ASIC2: variants seen among roughly 807,000 people sequenced by gnomAD.
ASIC2 encodes the protein acid sensing ion channel subunit 2.
A neutral mutation model predicts 57.3 loss-of-function variants in ASIC2; 25 were observed. The ratio of observed to expected loss-of-function variants is 0.44; its 90% CI spans 0.32 to 0.61. ASIC2 has a LOEUF of 0.61. ASIC2 is among the 20% of genes least tolerant of loss of function. The probability of loss-of-function intolerance (pLI) is 0.06; values close to 1 mark genes in which losing one functional copy is unlikely to be tolerated. For missense variants in ASIC2, 641 were observed against 738.1 expected (o/e 0.87, Z 1.52); for synonymous variants, 319 against 307.5 (o/e 1.04, Z -0.39).
chr17:33,825,952 A>AT (rs1392910684), intron 1 of ASIC2, among the ~76,000 whole-genome samples: 7 of 152,224 alleles, frequency 4.6e-5, no homozygotes, highest in African/African-American at 1.4e-4. Flanking sequence ...TTTTTAATTC[A>AT]GGAAGTCATT....
intron 1 of ASIC2, among the ~76,000 whole-genome samples, chr17:33,711,797 A>G (rs1400464649): frequency 1.3e-5 from 2 of 152,160 alleles, no homozygotes; most frequent in Non-Finnish European, 2.9e-5. Context: ...ACCTCCCACC[A>G]GGCCCCTTCC....
At chr17:33,469,481 A>G (rs1306039849) in intron 1 of ASIC2, among the ~76,000 whole-genome samples, 2 of 152,138 alleles carry the variant, frequency 1.3e-5, no homozygotes, top group African/African-American at 4.8e-5. Context: ...AGTTACTCCT[A>G]AAGCTGCAGG....
intron 1 of ASIC2, among the ~76,000 whole-genome samples, chr17:33,363,017 C>G (rs1271695851): frequency 6.6e-6 from 1 of 152,188 alleles, no homozygotes; most frequent in South Asian, 2.1e-4. Flanking sequence ...TTCAGAGAAT[C>G]TTTGCTTCTA....
chr17:33,988,264 A>T (rs1359223518), intron 1 of ASIC2, among the ~76,000 whole-genome samples: 1 of 152,252 alleles, frequency 6.6e-6, no homozygotes, highest in Non-Finnish European at 1.5e-5. Context: ...TGATTGCTAC[A>T]TGCCAGTCCC....
chr17:33,368,116 CTT>C (rs1908892828), intron 1 of ASIC2, among the ~76,000 whole-genome samples: 1 of 152,218 alleles, frequency 6.6e-6, no homozygotes, highest in Non-Finnish European at 1.5e-5. Flanking sequence ...TATGCTCTCT[CTT>C]CTTGAACCCA....
At chr17:34,040,063 A>AG (rs577316669) in intron 1 of ASIC2, among the ~76,000 whole-genome samples, 1,826 of 144,428 alleles carry the variant, frequency 0.013, 9 homozygotes, top group Admixed American at 0.018. Context: ...CGGGCGGGGG[A>AG]GGGGGGGCAC....
At chr17:33,255,465 T>C (rs895587007) in intron 1 of ASIC2, among the ~76,000 whole-genome samples, 8 of 152,054 alleles carry the variant, frequency 5.3e-5, no homozygotes, top group African/African-American at 1.2e-4. Context: ...CTAATGCATA[T>C]AGTTTCTGAT....
At chr17:33,785,053 T>G (rs1911562237) in intron 1 of ASIC2, among the ~76,000 whole-genome samples, 1 of 152,116 alleles carries the variant, frequency 6.6e-6, no homozygotes, top group Non-Finnish European at 1.5e-5. Flanking sequence ...TCCCAGGGCT[T>G]CAGAATATTA....
At chr17:33,320,136 C>T (rs1020123259) in intron 1 of ASIC2, among the ~76,000 whole-genome samples, 2 of 152,156 alleles carry the variant, frequency 1.3e-5, no homozygotes, top group African/African-American at 4.8e-5. Context: ...CCCATACCAG[C>T]CCTGCGTGTG....
intron 1 of ASIC2, among the ~76,000 whole-genome samples, chr17:33,155,528 C>CT (rs796954505): frequency 0.063 from 8,891 of 142,024 alleles, 337 homozygotes; most frequent in African/African-American, 0.099. Context: ...ACAAGCCTTA[C>CT]TTTTTTTTTT....
intron 1 of ASIC2, among the ~76,000 whole-genome samples, chr17:33,217,401 CACAA>C (rs1445854447): frequency 6.6e-6 from 1 of 152,226 alleles, no homozygotes; most frequent in African/African-American, 2.4e-5. Flanking sequence ...TGCACACACA[CACAA>C]ACACACACGC....
intron 1 of ASIC2, among the ~76,000 whole-genome samples, chr17:33,366,173 A>T (rs1232624866): frequency 6.6e-6 from 1 of 152,244 alleles, no homozygotes; most frequent in Non-Finnish European, 1.5e-5. Flanking sequence ...CACAAGGTCA[A>T]ATTCATCATC....
chr17:34,061,526 A>G (rs1160694934), intron 1 of ASIC2, among the ~76,000 whole-genome samples: 1 of 152,208 alleles, frequency 6.6e-6, no homozygotes, highest in Non-Finnish European at 1.5e-5. Flanking sequence ...TCACATTTCA[A>G]CACTAACATT....
At chr17:33,242,858 G>C (rs1475328015) in intron 1 of ASIC2, among the ~76,000 whole-genome samples, 1 of 152,090 alleles carries the variant, frequency 6.6e-6, no homozygotes, top group East Asian at 1.9e-4. Context: ...AGGGAAGGTG[G>C]GCAGGGAGTA....
chr17:34,136,956 G>T (rs573226819), intron 1 of ASIC2, among the ~76,000 whole-genome samples: 1 of 152,106 alleles, frequency 6.6e-6, no homozygotes, highest in East Asian at 1.9e-4. Flanking sequence ...CATTTCCCTG[G>T]CCCTGGAAGA....
At chr17:33,615,194 C>T (rs1245135499) in intron 1 of ASIC2, among the ~76,000 whole-genome samples, 1 of 152,160 alleles carries the variant, frequency 6.6e-6, no homozygotes, top group Non-Finnish European at 1.5e-5. Flanking sequence ...ATGGCCATTT[C>T]TATGGAAAGA....
intron 1 of ASIC2, among the ~76,000 whole-genome samples, chr17:33,832,655 A>G (rs1913151782): frequency 6.6e-6 from 1 of 152,244 alleles, no homozygotes; most frequent in Non-Finnish European, 1.5e-5. Flanking sequence ...TCACCTGTTA[A>G]AAGTGTCATG....
At chr17:33,351,626 A>T (rs1001256360) in intron 1 of ASIC2, among the ~76,000 whole-genome samples, 1 of 152,004 alleles carries the variant, frequency 6.6e-6, no homozygotes, top group Admixed American at 6.5e-5. Context: ...ATGTTTTCCT[A>T]CCTCCAAGCT....
intron 1 of ASIC2, among the ~76,000 whole-genome samples, chr17:33,737,771 C>T (rs1909965791): frequency 6.6e-6 from 1 of 152,130 alleles, no homozygotes; most frequent in Non-Finnish European, 1.5e-5. Flanking sequence ...CCATTCCACC[C>T]AAGTCAAGGA....
Sources: gnomAD v4.1 joint callset for allele counts (sites outside exome capture counted in the v4.1 genomes callset) on GRCh38, gnomAD v4.1.1 for gene constraint, MANE v1.5 for transcripts, NCBI Gene and HGNC (gene_info 2026-07-23, HGNC 2026-07-21) for gene names.